PAK1: variants seen among roughly 807,000 people sequenced by gnomAD.
The protein encoded by PAK1 is serine/threonine-protein kinase PAK 1.
Under a neutral mutation model 67.4 loss-of-function variants are expected in PAK1, and 29 were observed. The observed-to-expected ratio is 0.43, with a 90% CI of 0.32 to 0.59. PAK1 has a LOEUF of 0.59. Ranked by LOEUF, PAK1 falls within the 20% of genes least tolerant of loss-of-function variation. PAK1 has a pLI of 0.07. For missense variants in PAK1, 337 were observed against 670.7 expected (o/e 0.50, Z 5.50); for synonymous variants, 223 against 237.4 (o/e 0.94, Z 0.56).
At chr11:77,477,872 G>A (rs557727174), upstream of PAK1, among the ~76,000 whole-genome samples, 5 of 152,182 alleles carry the variant, frequency 3.3e-5, no homozygotes, top group Non-Finnish European at 5.9e-5. Context: ...GCAGTGAGCC[G>A]TGATCATGCC....
At chr11:77,459,599 T>A (rs1041409287) in intron 1 of PAK1, among the ~76,000 whole-genome samples, 2 of 151,140 alleles carry the variant, frequency 1.3e-5, no homozygotes, top group African/African-American at 4.9e-5. Context: ...TAACCAAGAG[T>A]CAAATAAATA....
intron 14 of PAK1, chr11:77,325,205 A>G: frequency 8.6e-7 from 1 of 1,166,624 alleles, no homozygotes. Context: ...CTAATAAACA[A>G]AACAGACTAG....
At chr11:77,381,436 A>T (rs974184610) in intron 2 of PAK1, among the ~76,000 whole-genome samples, 2 of 152,222 alleles carry the variant, frequency 1.3e-5, no homozygotes, top group African/African-American at 2.4e-5. Flanking sequence ...AGATTAGAAA[A>T]TTTGGGAGCA....
chr11:77,501,794 C>A, the PAK1 span, among the ~76,000 whole-genome samples: 1 of 152,184 alleles, frequency 6.6e-6, no homozygotes, highest in African/African-American at 2.4e-5. Context: ...GATGGGAAAG[C>A]TCCAGTCCCT....
chr11:77,441,802 T>A (rs951595826), intron 1 of PAK1, among the ~76,000 whole-genome samples: 1 of 152,222 alleles, frequency 6.6e-6, no homozygotes, highest in Non-Finnish European at 1.5e-5. Context: ...GCATTAAGTA[T>A]TGGAGATGCA....
intron 5 of PAK1, among the ~76,000 whole-genome samples, chr11:77,360,426 G>A (rs895538350): frequency 1.3e-5 from 2 of 152,092 alleles, no homozygotes; most frequent in South Asian, 2.1e-4. Context: ...CTCAATAGAG[G>A]TCCTTTCCCT....
intron 2 of PAK1, among the ~76,000 whole-genome samples, chr11:77,382,296 G>C (rs1159877306): frequency 6.6e-6 from 1 of 152,080 alleles, no homozygotes; most frequent in African/African-American, 2.4e-5. Context: ...GAACACACAG[G>C]GTAATGCTAA....
intron 1 of PAK1, among the ~76,000 whole-genome samples, chr11:77,447,281 T>G (rs780006057): frequency 6.6e-6 from 1 of 152,188 alleles, no homozygotes; most frequent in Admixed American, 6.5e-5. Flanking sequence ...CCTGTTCAAA[T>G]AGTTGGGATA....
the PAK1 span, among the ~76,000 whole-genome samples, chr11:77,481,428 G>A: frequency 6.6e-6 from 1 of 152,216 alleles, no homozygotes; most frequent in African/African-American, 2.4e-5. Context: ...TGTAATCCCA[G>A]CACTTTGGGA....
upstream of PAK1, among the ~76,000 whole-genome samples, chr11:77,478,521 C>T (rs996305550): frequency 3.3e-5 from 5 of 152,080 alleles, no homozygotes; most frequent in East Asian, 9.6e-4. Context: ...GCCTGTAATC[C>T]TAGCACTTTG....
rs1444529720 is a variant in PAK1, at chr11:77,322,246, T to G, written c.*1028A>C. On this transcript the variant is annotated 3_prime_UTR_variant, in exon 15 of 15. Coordinates refer to ENST00000356341, the MANE Select transcript of PAK1 (RefSeq NM_002576.5). The stretch of plus-strand genomic sequence containing the variant: ...TTGCAGAGAGCTTGGCCATGCATCT[T>G]AAAAACGGGGTCCCCTCACAGCTGG... The G allele has an allele frequency of 1.0e-5, 2 of 196,980 alleles. No homozygotes were observed. The highest frequency in any genetic ancestry group is 2.1e-5 in the Non-Finnish European group (2 of 94,766). The allele number at this position is 196,980 out of a possible 1,614,324, so 12.2% of individuals were successfully genotyped here.
At chr11:77,422,019 T>A (rs1015010347) in intron 1 of PAK1, among the ~76,000 whole-genome samples, 2 of 152,192 alleles carry the variant, frequency 1.3e-5, no homozygotes, top group African/African-American at 4.8e-5. Context: ...AGGCTTCCTA[T>A]AATCCCTCAA....
chr11:77,471,678 C>A (rs60843504), intron 1 of PAK1, among the ~76,000 whole-genome samples: 4,407 of 152,222 alleles, frequency 0.029, 201 homozygotes, highest in African/African-American at 0.099. Flanking sequence ...GCTTTTTATT[C>A]CATGTTACTC....
chr11:77,418,518 G>A (rs1417463890), intron 1 of PAK1, among the ~76,000 whole-genome samples: 2 of 152,170 alleles, frequency 1.3e-5, no homozygotes, highest in African/African-American at 4.8e-5. Context: ...AGCTTCAGCA[G>A]CCAAAACCAC....
chr11:77,449,913 C>T (rs1219034118), intron 1 of PAK1, among the ~76,000 whole-genome samples: 1 of 152,064 alleles, frequency 6.6e-6, no homozygotes, highest in Non-Finnish European at 1.5e-5. Flanking sequence ...AAGGAGCTTC[C>T]CATTCTGAAA....
chr11:77,353,670 C>A, intron 7 of PAK1, 71 bp from the exon 8 acceptor site: 2 of 1,201,562 alleles, frequency 1.7e-6, no homozygotes, highest in South Asian at 1.2e-5. Context: ...CACATTTCCC[C>A]AACCCCTGTA....
At chr11:77,455,065 TTACTACCATG>T (rs1388921904) in intron 1 of PAK1, among the ~76,000 whole-genome samples, 1 of 152,150 alleles carries the variant, frequency 6.6e-6, no homozygotes, top group African/African-American at 2.4e-5. Context: ...GTCAGCCAAT[TTACTACCATG>T]ATGGAAGCCG....
rs1952066697 is a variant in PAK1 at position 77,398,001 on chromosome 11, G to A, written c.-21-5460C>T. 2.6e-5 allele frequency among the ~76,000 whole-genome samples: 4 copies of A among 152,148 alleles called. No homozygotes were observed. In the South Asian group the frequency reaches 8.3e-4, roughly 32 times the overall value. The stretch of plus-strand genomic sequence containing the variant: ...TAGTTTTTGTGGGCACATAGTAGTT[G>A]TATATATTTATGGAGTACATGAGAT... On this transcript the variant is annotated intron_variant, in intron 1 of 14. Transcript: ENST00000356341.
At chr11:77,364,480 A>G (rs1947235585) in intron 5 of PAK1, among the ~76,000 whole-genome samples, 1 of 152,212 alleles carries the variant, frequency 6.6e-6, no homozygotes, top group South Asian at 2.1e-4. Context: ...ACAAACACTG[A>G]GCAATGACAT....
Sources: allele counts gnomAD v4.1 joint callset (sites outside exome capture counted in the v4.1 genomes callset), GRCh38; gene constraint gnomAD v4.1.1; transcripts MANE v1.5; gene names NCBI Gene and HGNC (gene_info 2026-07-23, HGNC 2026-07-21).